The following NRXN1 variants were observed in gnomAD, a reference collection of about 807,000 sequenced individuals.
NRXN1 encodes neurexin 1, also known as neurexin-1.
NRXN1 carries 39 observed loss-of-function variants against 150.9 expected under a neutral mutation model. The ratio of observed to expected loss-of-function variants is 0.26; its 90% CI spans 0.20 to 0.34. NRXN1 has a LOEUF of 0.34. NRXN1 is among the 10% of genes least tolerant of loss of function. NRXN1 has a pLI of 1.00. For synonymous variants in NRXN1, 924 were observed against 757.0 expected (o/e 1.22, Z -3.62); for missense variants, 1,815 against 1,949.9 (o/e 0.93, Z 1.30).
At chr2:50,039,983 A>C (rs1388300541) in intron 21 of NRXN1, among the ~76,000 whole-genome samples, 3 of 152,168 alleles carry the variant, frequency 2.0e-5, no homozygotes, top group Non-Finnish European at 2.9e-5. Context: ...AAGAAAGGTA[A>C]TCTTAACATA....
rs970295352 is a variant in NRXN1, at chr2:50,285,580, A to AT, written c.3365-48611dup. Among the ~76,000 whole-genome samples, 21 of 152,148 alleles carry AT rather than the reference A, an allele frequency of 1.4e-4. No individual in the cohort carries two copies. In the East Asian group the frequency reaches 2.3e-3, roughly 17 times the overall value. Reference sequence around the variant, plus strand: ...CACACAGTGGTCCTGACCAAGAATCATTTTTTTTCCCTCACTAATGTTATA... The same window carrying AT: ...CACACAGTGGTCCTGACCAAGAATCATTTTTTTTTCCCTCACTAATGTTATA... On this transcript the variant is annotated intron_variant, in intron 17 of 22. Transcript: ENST00000401669.
At chr2:50,950,760 T>C (rs1377473611) in intron 2 of NRXN1, among the ~76,000 whole-genome samples, 1 of 152,220 alleles carries the variant, frequency 6.6e-6, no homozygotes, top group Non-Finnish European at 1.5e-5. Context: ...AATGTGAGTG[T>C]AAGCGCTAGG....
chr2:50,969,585 CTATT>C (rs1395323062), intron 2 of NRXN1, among the ~76,000 whole-genome samples: 1 of 152,030 alleles, frequency 6.6e-6, no homozygotes, highest in South Asian at 2.1e-4. Flanking sequence ...TCTCTCAAAA[CTATT>C]TACTATTTAA....
chr2:50,567,165 G>T (rs1670000860), intron 8 of NRXN1, among the ~76,000 whole-genome samples: 1 of 152,120 alleles, frequency 6.6e-6, no homozygotes, highest in Non-Finnish European at 1.5e-5. Flanking sequence ...TTTTAAGAAG[G>T]TACAAACGTT....
chr2:50,158,222 T>C (rs928319136), intron 18 of NRXN1, among the ~76,000 whole-genome samples: 1 of 151,610 alleles, frequency 6.6e-6, no homozygotes, highest in Non-Finnish European at 1.5e-5. Context: ...CATTGATAGA[T>C]TTGTCTTTCT....
intron 17 of NRXN1, among the ~76,000 whole-genome samples, chr2:50,242,953 C>T (rs942002245): frequency 1.2e-4 from 18 of 151,254 alleles, no homozygotes; most frequent in African/African-American, 3.9e-4. Flanking sequence ...TCAATCAGGT[C>T]GAAACAAAAA....
At chr2:50,522,563 G>A (rs1055733344) in intron 12 of NRXN1, among the ~76,000 whole-genome samples, 1 of 151,984 alleles carries the variant, frequency 6.6e-6, no homozygotes, top group African/African-American at 2.4e-5. Context: ...ATAGACCAAA[G>A]CAATCTACTT....
intron 17 of NRXN1, among the ~76,000 whole-genome samples, chr2:50,331,640 A>G (rs2076840221): frequency 6.6e-6 from 1 of 152,192 alleles, no homozygotes; most frequent in Admixed American, 6.5e-5. Context: ...TGTTAGCAGT[A>G]TATCAACAGC....
At chr2:50,877,671 T>C (rs1221047984) in intron 5 of NRXN1, among the ~76,000 whole-genome samples, 2 of 151,984 alleles carry the variant, frequency 1.3e-5, no homozygotes, top group Non-Finnish European at 2.9e-5. Flanking sequence ...TTGACTATAC[T>C]ACATTAATAG....
At position 50,149,559 on chromosome 2, in the gene NRXN1, T is replaced by C. The variant is rs923635343; in HGVS notation, c.3547-58065A>G. 1.3e-4 allele frequency among the ~76,000 whole-genome samples: 19 copies of C among 151,754 alleles called. 1 individual carries two copies. The highest frequency in any genetic ancestry group is 2.9e-5 in the Non-Finnish European group (2 of 67,798). ...TCAGCAAAATAATTCGAATTCATTCTAGTGCTCCTGGGCTCCCATAGCACC... is the reference window on the plus strand; with the variant it reads ...TCAGCAAAATAATTCGAATTCATTCCAGTGCTCCTGGGCTCCCATAGCACC... On this transcript the variant is annotated intron_variant, in intron 18 of 22. Coordinates refer to ENST00000401669, the MANE Select transcript of NRXN1 (RefSeq NM_001330078.2).
chr2:50,643,870 T>C (rs1271450962), intron 5 of NRXN1, among the ~76,000 whole-genome samples: 2 of 151,868 alleles, frequency 1.3e-5, no homozygotes, highest in African/African-American at 4.8e-5. Flanking sequence ...TAGGCTTTTA[T>C]AAACATTTAG....
chr2:49,977,323 T>C (rs1679162832), intron 21 of NRXN1, among the ~76,000 whole-genome samples: 1 of 152,098 alleles, frequency 6.6e-6, no homozygotes, highest in South Asian at 2.1e-4. Context: ...ACATTTCTGG[T>C]TGTCAAAACT....
intron 5 of NRXN1, among the ~76,000 whole-genome samples, chr2:50,700,765 A>G (rs1693621704): frequency 6.6e-6 from 1 of 151,850 alleles, no homozygotes; most frequent in Admixed American, 6.6e-5. Flanking sequence ...TTTTTATTTG[A>G]TACCTAGACC....
chr2:50,447,942 T>C (rs1328595288), intron 17 of NRXN1, among the ~76,000 whole-genome samples: 1 of 151,326 alleles, frequency 6.6e-6, no homozygotes, highest in Non-Finnish European at 1.5e-5. Flanking sequence ...ACAAACATGA[T>C]AATAAGCAAG....
chr2:50,587,301 A>G (rs1237491081), intron 8 of NRXN1, among the ~76,000 whole-genome samples: 3 of 152,304 alleles, frequency 2.0e-5, no homozygotes, highest in Non-Finnish European at 2.9e-5. Flanking sequence ...CCTGGGCAAC[A>G]TGGTGAAACA....
intron 17 of NRXN1, among the ~76,000 whole-genome samples, chr2:50,329,673 ATTTT>A (rs749453098): frequency 0.013 from 363 of 28,750 alleles, 20 homozygotes; most frequent in Middle Eastern, 0.056. Flanking sequence ...ATATATATAT[ATTTT>A]TTTTTTTCCC....
intron 8 of NRXN1, among the ~76,000 whole-genome samples, chr2:50,618,756 T>C (rs1679453888): frequency 1.3e-5 from 2 of 150,294 alleles, no homozygotes; most frequent in South Asian, 4.2e-4. Context: ...CTGGAAATAT[T>C]AGTACTATAA....
intron 8 of NRXN1, among the ~76,000 whole-genome samples, chr2:50,555,414 G>C (rs1433333319): frequency 6.6e-6 from 1 of 152,076 alleles, no homozygotes; most frequent in East Asian, 1.9e-4. Flanking sequence ...ACTGAATCAG[G>C]TGACTTGGTG....
chr2:50,693,969 T>C (rs1220582297), intron 5 of NRXN1, among the ~76,000 whole-genome samples: 2 of 152,094 alleles, frequency 1.3e-5, no homozygotes, highest in African/African-American at 4.8e-5. Context: ...TTGTTTTTAT[T>C]TTTTGTAGAA....
Sources: allele counts gnomAD v4.1 joint callset (sites outside exome capture counted in the v4.1 genomes callset), GRCh38; gene constraint gnomAD v4.1.1; transcripts MANE v1.5; gene names NCBI Gene and HGNC (gene_info 2026-07-23, HGNC 2026-07-21).